The following TBC1D32 variants were observed in gnomAD, a reference collection of about 807,000 sequenced individuals.
The protein encoded by TBC1D32 is protein broad-minded.
TBC1D32 carries 151 observed loss-of-function variants against 170.3 expected under a neutral mutation model. That is an observed-to-expected ratio of 0.89 (90% CI 0.78 to 1.01). The LOEUF is 1.01. TBC1D32 is among the 50% of genes least tolerant of loss of function. The pLI, the probability that TBC1D32 is intolerant of heterozygous loss-of-function variation, is 0.00. For missense variants in TBC1D32, 1,464 were observed against 1,457.1 expected (o/e 1.00, Z -0.08); for synonymous variants, 498 against 488.0 (o/e 1.02, Z -0.27).
Position 121,090,845 on chromosome 6 carries a change from ATACT to A in TBC1D32, c.3654+4_3654+7del, listed in dbSNP as rs1224064920. Reference sequence around the variant, plus strand: ...TCAACATTTTCCTCTCCATATAAACATACTTACTTTTAGGAAAACTTGCAGATCT... The same window carrying A: ...TCAACATTTTCCTCTCCATATAAACATACTTTTAGGAAAACTTGCAGATCT... On this transcript the variant is annotated splice_donor_5th_base_variant and intron_variant, in intron 31 of 31. Transcript: ENST00000398212. 1.2e-6 allele frequency: 2 copies of A among 1,606,522 alleles called. No homozygotes were observed. Among genetic ancestry groups the A allele is most frequent in the Non-Finnish European group, 1.7e-6 (2 of 1,178,042 alleles).
intron 4 of TBC1D32, among the ~76,000 whole-genome samples, chr6:121,310,055 T>C (rs932434341): frequency 5.9e-5 from 9 of 151,506 alleles, no homozygotes; most frequent in African/African-American, 2.2e-4. Flanking sequence ...ATATATAAAA[T>C]TTTTCTAAAA....
chr6:121,324,975 C>T (rs944759476), intron 1 of TBC1D32, among the ~76,000 whole-genome samples: 10 of 152,036 alleles, frequency 6.6e-5, no homozygotes, highest in African/African-American at 2.2e-4. Context: ...TTTGGGAGGC[C>T]GAAGCAGGTG....
intron 1 of TBC1D32, among the ~76,000 whole-genome samples, chr6:121,327,993 T>C (rs541387688): frequency 6.6e-6 from 1 of 152,312 alleles, no homozygotes; most frequent in African/African-American, 2.4e-5. Context: ...ACCTATATCA[T>C]GCTTAATAAC....
At chr6:121,273,232 C>A (rs571556425) in intron 15 of TBC1D32, among the ~76,000 whole-genome samples, 73 of 150,758 alleles carry the variant, frequency 4.8e-4, no homozygotes, top group African/African-American at 1.4e-3. Flanking sequence ...ACGTTCTGCA[C>A]ATGTACCCTA....
intron 17 of TBC1D32, among the ~76,000 whole-genome samples, chr6:121,251,402 C>T (rs1278811279): frequency 6.6e-6 from 1 of 152,030 alleles, no homozygotes; most frequent in African/African-American, 2.4e-5. Flanking sequence ...GATAACACCA[C>T]ATATCCATAA....
At chr6:121,105,937 G>A (rs1455149235) in intron 30 of TBC1D32, 86 bp downstream of exon 30, 3 of 1,310,740 alleles carry the variant, frequency 2.3e-6, no homozygotes, top group South Asian at 2.0e-5. Flanking sequence ...TAATTTAAAG[G>A]TATTTCCTTA....
chr6:121,137,470 GGAA>G (rs1196749429), intron 24 of TBC1D32, among the ~76,000 whole-genome samples: 1 of 127,744 alleles, frequency 7.8e-6, no homozygotes, highest in Non-Finnish European at 1.7e-5. Flanking sequence ...ATGAAAAATT[GGAA>G]GAAGGTAAAA....
At chr6:121,229,198 C>G (rs1297557673) in intron 20 of TBC1D32, among the ~76,000 whole-genome samples, 1 of 152,108 alleles carries the variant, frequency 6.6e-6, no homozygotes, top group Non-Finnish European at 1.5e-5. Context: ...TCCATAACAC[C>G]CAGTATCCTG....
intron 12 of TBC1D32, among the ~76,000 whole-genome samples, chr6:121,285,961 G>GTC (rs1563236584): frequency 5.3e-5 from 8 of 152,200 alleles, no homozygotes; most frequent in African/African-American, 1.7e-4. Flanking sequence ...CAAACAGAAA[G>GTC]AACATCCACA....
At position 121,223,258 on chromosome 6, in the gene TBC1D32, C is replaced by T. The variant is rs529189059; in HGVS notation, c.2459G>A (p.Arg820His). 42 of 1,570,310 alleles carry T rather than the reference C, an allele frequency of 2.7e-5. No individual in the cohort carries two copies. The East Asian group carries it at 4.8e-4, about 18-fold the overall frequency. The change falls in exon 21 of 32, where the codon CGT becomes CAT. Residue 820 changes from arginine (R) to histidine (H), a missense_variant. Around this residue, in one of 3 missense-constraint regions of TBC1D32, gnomAD observed 1,363 missense variants for 1,338.1 expected, o/e 1.02. Coordinates refer to ENST00000398212, the MANE Select transcript of TBC1D32 (RefSeq NM_152730.6). ...TACAATAACACATGTTGGGACTTCA[C>T]GAAGAGAATATTCTGTTTTATTAGG... ...DLPNKTEYSL[R>H]EVPTCVIDII...
chr6:121,255,796 C>T (rs907812455), intron 16 of TBC1D32, among the ~76,000 whole-genome samples: 3 of 151,962 alleles, frequency 2.0e-5, no homozygotes, highest in African/African-American at 7.2e-5. Flanking sequence ...AAAATAACTC[C>T]CAAAGAGTGT....
intron 15 of TBC1D32, among the ~76,000 whole-genome samples, chr6:121,270,476 T>A (rs1049780715): frequency 6.6e-6 from 1 of 152,050 alleles, no homozygotes; most frequent in Admixed American, 6.6e-5. Context: ...GAGAATACTA[T>A]AAACACCTCT....
chr6:121,226,985 C>T (rs896312796), intron 20 of TBC1D32, among the ~76,000 whole-genome samples: 93 of 148,602 alleles, frequency 6.3e-4, no homozygotes, highest in African/African-American at 1.9e-3. Context: ...CCCTGGGCCA[C>T]ATTGGAAGAA....
At chr6:121,199,608 GA>G (rs939840657) in intron 22 of TBC1D32, among the ~76,000 whole-genome samples, 4 of 150,852 alleles carry the variant, frequency 2.7e-5, no homozygotes, top group African/African-American at 9.9e-5. Context: ...TTATTAACTT[GA>G]AAAAATAAAT....
chr6:121,296,896 A>G (rs774737541), intron 10 of TBC1D32, among the ~76,000 whole-genome samples: 2 of 152,072 alleles, frequency 1.3e-5, no homozygotes, highest in African/African-American at 4.8e-5. Context: ...TGAAAACTCA[A>G]AACACTGTCT....
intron 4 of TBC1D32, among the ~76,000 whole-genome samples, chr6:121,309,156 T>C (rs546400932): frequency 1.3e-5 from 2 of 152,224 alleles, no homozygotes; most frequent in East Asian, 1.9e-4. Flanking sequence ...TTATTTGTGA[T>C]AGGCAGCAAG....
At chr6:121,181,703 T>C (rs1369247690) in intron 22 of TBC1D32, among the ~76,000 whole-genome samples, 2 of 152,084 alleles carry the variant, frequency 1.3e-5, no homozygotes, top group Non-Finnish European at 2.9e-5. Context: ...CTATCCACAA[T>C]GGCCAAGATA....
At chr6:121,087,376 T>C (rs183147264) in intron 31 of TBC1D32, among the ~76,000 whole-genome samples, 2 of 152,222 alleles carry the variant, frequency 1.3e-5, no homozygotes, top group African/African-American at 4.8e-5. Context: ...TAGTGACCTA[T>C]TAGAAATGTA....
chr6:121,085,937 A>G (rs1278396652), intron 31 of TBC1D32, among the ~76,000 whole-genome samples: 1 of 152,066 alleles, frequency 6.6e-6, no homozygotes, highest in Admixed American at 6.6e-5. Flanking sequence ...CAAGGTGTGA[A>G]GGTAATGTCA....
Sources: gnomAD v4.1 joint callset for allele counts (sites outside exome capture counted in the v4.1 genomes callset) on GRCh38, gnomAD v4.1.1 for gene constraint, gnomAD v4.1.1 regional missense constraint, MANE v1.5 for transcripts, NCBI Gene and HGNC (gene_info 2026-07-23, HGNC 2026-07-21) for gene names.